RBFOX2: variants seen among roughly 807,000 people sequenced by gnomAD.
RBFOX2 encodes RNA binding fox-1 homolog 2, also known as RNA binding protein fox-1 homolog 2.
RBFOX2 carries 10 observed loss-of-function variants against 49.1 expected under a neutral mutation model. The ratio of observed to expected loss-of-function variants is 0.20; its 90% CI spans 0.13 to 0.35. RBFOX2 has a LOEUF of 0.35. RBFOX2 is among the 10% of genes least tolerant of loss of function. RBFOX2 has a pLI of 1.00. For missense variants in RBFOX2, 323 were observed against 486.9 expected (o/e 0.66, Z 3.17); for synonymous variants, 183 against 187.4 (o/e 0.98, Z 0.19).
intron 1 of RBFOX2, among the ~76,000 whole-genome samples, chr22:35,823,408 T>G (rs947120368): frequency 1.3e-5 from 2 of 152,268 alleles, no homozygotes; most frequent in African/African-American, 4.8e-5. Flanking sequence ...TCATTTGTTT[T>G]AGCTTTTCCA....
At chr22:35,743,694 T>G (rs1931034893) in exon 12 of RBFOX2, 1 of 152,642 alleles carries the variant, frequency 6.6e-6, no homozygotes, top group African/African-American at 2.4e-5. Flanking sequence ...CAACCAGAAT[T>G]GCCTGTCAAA....
intron 1 of RBFOX2, among the ~76,000 whole-genome samples, chr22:35,817,061 T>C (rs1254086226): frequency 1.3e-5 from 2 of 150,768 alleles, no homozygotes; most frequent in African/African-American, 2.4e-5. Context: ...TCCCACATTC[T>C]GAGAAACACT....
intron 1 of RBFOX2, among the ~76,000 whole-genome samples, chr22:35,924,623 C>T (rs186237800): frequency 1.7e-4 from 26 of 152,290 alleles, no homozygotes; most frequent in Non-Finnish European, 4.4e-5. Flanking sequence ...AGTCTGACCA[C>T]AGTTTTGCTT....
At chr22:35,838,640 C>T (rs1052745034) in intron 1 of RBFOX2, among the ~76,000 whole-genome samples, 4 of 152,198 alleles carry the variant, frequency 2.6e-5, no homozygotes, top group African/African-American at 9.7e-5. Context: ...TTCGCTTCTT[C>T]CTCCACTTGG....
chr22:35,895,711 G>A (rs1169346239), intron 1 of RBFOX2, among the ~76,000 whole-genome samples: 2 of 152,102 alleles, frequency 1.3e-5, no homozygotes, highest in Non-Finnish European at 2.9e-5. Flanking sequence ...CACGGCTTGG[G>A]TTTCAATTCT....
At chr22:35,965,690 C>T (rs1486859713), upstream of RBFOX2, among the ~76,000 whole-genome samples, 1 of 152,172 alleles carries the variant, frequency 6.6e-6, no homozygotes, top group South Asian at 2.1e-4. Context: ...GAATATCTGA[C>T]AAGCAAATTT....
chr22:35,761,047 C>T (rs1486144906), intron 8 of RBFOX2, among the ~76,000 whole-genome samples, 155 bp downstream of exon 9: 1 of 151,946 alleles, frequency 6.6e-6, no homozygotes. Flanking sequence ...AATTCTAGCA[C>T]AGGTTAAGCA....
At chr22:35,941,296 T>A (rs2053661312), upstream of RBFOX2, among the ~76,000 whole-genome samples, 1 of 152,124 alleles carries the variant, frequency 6.6e-6, no homozygotes, top group African/African-American at 2.4e-5. Flanking sequence ...ACAATGATGA[T>A]GATAACCCCC....
At chr22:36,028,571 G>C in exon 1 of RBFOX2, 3 of 729,292 alleles carry the variant, frequency 4.1e-6, no homozygotes, top group Non-Finnish European at 5.0e-6. Context: ...AGCGGACTCC[G>C]CGCCCCTCCG....
chr22:35,742,319 C>T (rs1437227798), exon 12 of RBFOX2: 1 of 152,418 alleles, frequency 6.6e-6, no homozygotes, highest in Non-Finnish European at 1.5e-5. Context: ...CGAGGCGAGA[C>T]AGGATTCTGA....
At chr22:35,746,364 C>T (rs554818374) in intron 10 of RBFOX2, 109 bp downstream of exon 12, 76 of 1,034,712 alleles carry the variant, frequency 7.3e-5, no homozygotes, top group African/African-American at 7.2e-4. Flanking sequence ...GCAAGATGCC[C>T]GATGTGCTAA....
intron 1 of RBFOX2, among the ~76,000 whole-genome samples, chr22:35,978,078 G>T (rs2057285219): frequency 6.6e-6 from 1 of 152,094 alleles, no homozygotes; most frequent in Non-Finnish European, 1.5e-5. Context: ...GGGTACAGAG[G>T]TGGTGGAGTC....
At chr22:35,836,862 C>T (rs759196709) in intron 1 of RBFOX2, among the ~76,000 whole-genome samples, 29 of 152,058 alleles carry the variant, frequency 1.9e-4, no homozygotes, top group Non-Finnish European at 2.8e-4. Context: ...TTTTGTTTTT[C>T]GAATTTTACA....
At chr22:35,945,362 A>G (rs1324311686) in intron 1 of RBFOX2, among the ~76,000 whole-genome samples, 2 of 151,300 alleles carry the variant, frequency 1.3e-5, no homozygotes, top group Non-Finnish European at 2.9e-5. Context: ...ATGCCACAGG[A>G]ACAGAAGATG....
At chr22:35,762,472 A>G (rs908448967) in intron 6 of RBFOX2, among the ~76,000 whole-genome samples, 7 of 151,310 alleles carry the variant, frequency 4.6e-5, no homozygotes, top group African/African-American at 1.7e-4. Context: ...AAATATACGA[A>G]TGAAAAGAAA....
At chr22:35,875,732 C>T (rs1053213169) in intron 1 of RBFOX2, among the ~76,000 whole-genome samples, 25 of 150,836 alleles carry the variant, frequency 1.7e-4, no homozygotes, top group Admixed American at 1.1e-3. Context: ...GGACAAGTCC[C>T]GACTACCCTT....
At chr22:35,869,851 A>G (rs1312876832) in intron 1 of RBFOX2, among the ~76,000 whole-genome samples, 1 of 152,232 alleles carries the variant, frequency 6.6e-6, no homozygotes, top group African/African-American at 2.4e-5. Context: ...GTTTTTAACC[A>G]TTTTAAAAAC....
chr22:35,968,787 G>A (rs868386402), intron 1 of RBFOX2, among the ~76,000 whole-genome samples: 67 of 152,186 alleles, frequency 4.4e-4, no homozygotes, highest in African/African-American at 1.6e-3. Context: ...ATGAAGCTCA[G>A]TCGAATTGGA....
intron 2 of RBFOX2, among the ~76,000 whole-genome samples, chr22:35,801,839 A>G (rs1569171878): frequency 6.6e-6 from 1 of 152,066 alleles, no homozygotes; most frequent in Non-Finnish European, 1.5e-5. Flanking sequence ...ATAAGATCAA[A>G]TAAAATAAAA....
Sources: allele counts gnomAD v4.1 joint callset (sites outside exome capture counted in the v4.1 genomes callset), GRCh38; gene constraint gnomAD v4.1.1; transcripts MANE v1.5; gene names NCBI Gene and HGNC (gene_info 2026-07-23, HGNC 2026-07-21).